MIGA1: variants seen among roughly 807,000 people sequenced by gnomAD.
MIGA1 encodes the protein family with sequence similarity 73, member A.
In MIGA1, 58 loss-of-function variants were observed where a neutral mutation model predicts 82.0. That is an observed-to-expected ratio of 0.71 (90% CI 0.57 to 0.88). MIGA1 has a LOEUF of 0.88. MIGA1 is among the 40% of genes least tolerant of loss of function. The pLI is 0.00. For synonymous variants in MIGA1, 249 were observed against 253.6 expected (o/e 0.98, Z 0.17); for missense variants, 751 against 749.1 (o/e 1.00, Z -0.03).
intron 8 of MIGA1, 37 bp from the exon 9 acceptor site, chr1:77,858,901 C>T (rs758637731): frequency 1.0e-4 from 124 of 1,239,478 alleles, no homozygotes; most frequent in Non-Finnish European, 1.4e-4. Flanking sequence ...GCCACTGCAC[C>T]TAGCCTGTAT....
intron 8 of MIGA1, among the ~76,000 whole-genome samples, chr1:77,854,478 C>CT (rs1685171206): frequency 6.6e-6 from 1 of 152,188 alleles, no homozygotes; most frequent in Admixed American, 6.5e-5. Context: ...AATCTTCACA[C>CT]TTTTTTCCAT....
intron 14 of MIGA1, chr1:77,868,409 C>G (rs1685757812): frequency 6.6e-6 from 1 of 151,976 alleles, no homozygotes; most frequent in Non-Finnish European, 1.5e-5. Context: ...ATATTTTTGG[C>G]AAAGATGGGG....
At chr1:77,840,783 G>C (rs1684601199) in intron 7 of MIGA1, among the ~76,000 whole-genome samples, 1 of 152,000 alleles carries the variant, frequency 6.6e-6, no homozygotes, top group Admixed American at 6.6e-5. Flanking sequence ...TTGCACTCCA[G>C]CCTAGGCAAC....
intron 11 of MIGA1, chr1:77,860,947 T>C: frequency 3.3e-6 from 1 of 307,664 alleles, no homozygotes; most frequent in East Asian, 7.4e-5. Context: ...ATGTCTGCTA[T>C]AACCAAATTT....
intron 8 of MIGA1, among the ~76,000 whole-genome samples, chr1:77,851,681 A>G (rs1157856452): frequency 6.6e-6 from 1 of 152,142 alleles, no homozygotes; most frequent in African/African-American, 2.4e-5. Context: ...CTTCAACATG[A>G]TATATTCTCA....
chr1:77,786,361 G>T (rs887778867), intron 2 of MIGA1, among the ~76,000 whole-genome samples: 6 of 152,206 alleles, frequency 3.9e-5, no homozygotes, highest in African/African-American at 1.4e-4. Context: ...TTATCTTGGG[G>T]ATTAACATTT....
chr1:77,850,528 A>G (rs1488824151), intron 8 of MIGA1, among the ~76,000 whole-genome samples: 2 of 152,238 alleles, frequency 1.3e-5, no homozygotes, highest in Non-Finnish European at 2.9e-5. Flanking sequence ...AAAATGGTCC[A>G]CATTAAAATA....
intron 7 of MIGA1, among the ~76,000 whole-genome samples, chr1:77,840,964 G>GT (rs1366648806): frequency 6.6e-6 from 1 of 152,154 alleles, no homozygotes; most frequent in Non-Finnish European, 1.5e-5. Flanking sequence ...CGAGGATTAA[G>GT]TTTTGTATAA....
chr1:77,803,465 A>G (rs1305494099), intron 4 of MIGA1, 59 bp downstream of exon 4: 3 of 765,054 alleles, frequency 3.9e-6, no homozygotes, highest in Admixed American at 3.7e-5. Flanking sequence ...TCTGTGATCT[A>G]TTAGTTTAAG....
intron 2 of MIGA1, among the ~76,000 whole-genome samples, chr1:77,797,794 A>G (rs1682720632): frequency 6.6e-6 from 1 of 152,182 alleles, no homozygotes; most frequent in Non-Finnish European, 1.5e-5. Context: ...GATATTGTAT[A>G]TTGACTTTGT....
rs778690627 is a variant in MIGA1, at chr1:77,783,300, A to G, written c.144A>G (p.Ala48=). ...AATCACAGTTTTCCTTGAAGACAGC[A>G]GCGCTAAGAGTGTTTGATCTTCCTC... Residue 48 remains alanine, a synonymous_variant, in exon 2 of 16, where the codon GCA becomes GCG. Coordinates refer to ENST00000370791, the MANE Select transcript of MIGA1 (RefSeq NM_198549.4). The G allele has an allele frequency of 1.3e-6, 2 of 1,598,498 alleles. No individual in the cohort carries two copies. Among genetic ancestry groups the G allele is most frequent in the East Asian group, 2.2e-5 (1 of 44,790 alleles).
intron 7 of MIGA1, among the ~76,000 whole-genome samples, chr1:77,818,972 C>T (rs1402723239): frequency 1.3e-5 from 2 of 150,004 alleles, no homozygotes; most frequent in Admixed American, 6.7e-5. Flanking sequence ...CCCAGCTACT[C>T]GGGAGGCTGA....
chr1:77,787,404 AAGAC>A (rs1682212742), intron 2 of MIGA1, among the ~76,000 whole-genome samples: 1 of 131,568 alleles, frequency 7.6e-6, no homozygotes, highest in African/African-American at 2.8e-5. Context: ...TTTTTTTTGT[AAGAC>A]AGAATCTCAC....
In MIGA1 at chr1:77,811,048, G is replaced by T. The variant is rs4032094; in HGVS notation, c.638-2686G>T. Reference sequence around the variant, plus strand: ...GGTAAACCTTTTTTTAGGCTTGTAGGGTTTGAATTCAAAGAAGATAGCTGC... The same window carrying T: ...GGTAAACCTTTTTTTAGGCTTGTAGTGTTTGAATTCAAAGAAGATAGCTGC... On this transcript the variant is annotated intron_variant, in intron 5 of 15. Transcript: ENST00000370791. 5.6e-6 allele frequency: 9 copies of T among 1,613,264 alleles called. No homozygotes were observed. In the African/African-American group the frequency reaches 1.1e-4, roughly 19 times the overall value.
At chr1:77,783,018 T>A in intron 1 of MIGA1, 1 of 303,766 alleles carries the variant, frequency 3.3e-6, no homozygotes, top group Non-Finnish European at 4.8e-6. Flanking sequence ...TTTTTTTTTT[T>A]AACTTCTTAT....
At chr1:77,847,649 G>A (rs1684895143) in intron 8 of MIGA1, 1 of 1,565,690 alleles carries the variant, frequency 6.4e-7, no homozygotes, top group Non-Finnish European at 8.8e-7. Context: ...AAGCGTGTTT[G>A]GATGTAACCA....
chr1:77,874,197 CT>C (rs1557942439), intron 15 of MIGA1, among the ~76,000 whole-genome samples: 1 of 151,996 alleles, frequency 6.6e-6, no homozygotes, highest in African/African-American at 2.4e-5. Context: ...GACATAATAG[CT>C]GAGACTTAAT....
At chr1:77,814,253 TC>T (rs1450370337) in intron 6 of MIGA1, among the ~76,000 whole-genome samples, 1 of 152,218 alleles carries the variant, frequency 6.6e-6, no homozygotes, top group African/African-American at 2.4e-5. Flanking sequence ...ACTGTTTTTT[TC>T]TTCTTCCTTG....
chr1:77,827,850 C>T (rs935134301), intron 7 of MIGA1, among the ~76,000 whole-genome samples: 3 of 152,082 alleles, frequency 2.0e-5, no homozygotes, highest in Non-Finnish European at 4.4e-5. Context: ...ACCAGAATAG[C>T]TGCTTCTTGG....
Sources: allele counts gnomAD v4.1 joint callset (sites outside exome capture counted in the v4.1 genomes callset), GRCh38; gene constraint gnomAD v4.1.1; transcripts MANE v1.5; gene names NCBI Gene and HGNC (gene_info 2026-07-23, HGNC 2026-07-21).